ARHGAP10: variants seen among roughly 807,000 people sequenced by gnomAD.
ARHGAP10 encodes rho GTPase-activating protein 10.
ARHGAP10 carries 87 observed loss-of-function variants against 108.6 expected under a neutral mutation model. The ratio of observed to expected loss-of-function variants is 0.80; its 90% confidence interval spans 0.67 to 0.96. The LOEUF is 0.96. Ranked by LOEUF, ARHGAP10 falls within the 40% of genes least tolerant of loss-of-function variation. The pLI is 0.00. For missense variants in ARHGAP10, 939 were observed against 954.5 expected (o/e 0.98, Z 0.21); for synonymous variants, 347 against 341.1 (o/e 1.02, Z -0.19).
At chr4:147,934,326 C>T (rs971764900) in intron 13 of ARHGAP10, among the ~76,000 whole-genome samples, 2 of 152,104 alleles carry the variant, frequency 1.3e-5, no homozygotes, top group Non-Finnish European at 2.9e-5. Context: ...TCAAAGTGAC[C>T]CTCCCAGGTC....
rs1740442310 is a variant in ARHGAP10 at position 147,995,603 on chromosome 4, G to C, written c.1717-27660G>C. Among the ~76,000 whole-genome samples, 5 of 152,264 alleles carry C rather than the reference G, an allele frequency of 3.3e-5. No homozygotes were observed. The South Asian group carries it at 8.3e-4, about 25-fold the overall frequency. Reference sequence around the variant, plus strand: ...TGACAGAGTAAAGACAGATTTGTCAGCCTTACAATACAGACCACCAGTAGG... The same window carrying C: ...TGACAGAGTAAAGACAGATTTGTCACCCTTACAATACAGACCACCAGTAGG... On this transcript the variant is annotated intron_variant, in intron 18 of 22. Transcript: ENST00000336498.
chr4:147,922,013 CCCTGCCCCT>C (rs1295983476), intron 13 of ARHGAP10, among the ~76,000 whole-genome samples: 3 of 152,072 alleles, frequency 2.0e-5, no homozygotes, highest in African/African-American at 7.3e-5. Flanking sequence ...TGGCCTTCTC[CCCTGCCCCT>C]CCTGCACCTC....
At chr4:147,886,686 A>G (rs1735580568) in intron 10 of ARHGAP10, among the ~76,000 whole-genome samples, 2 of 152,190 alleles carry the variant, frequency 1.3e-5, no homozygotes, top group East Asian at 1.9e-4. Context: ...TTTCTACTGT[A>G]TTCATGGGAT....
chr4:147,928,606 T>G (rs1185726511), intron 13 of ARHGAP10, among the ~76,000 whole-genome samples: 2 of 152,250 alleles, frequency 1.3e-5, no homozygotes, highest in African/African-American at 4.8e-5. Flanking sequence ...TTTTTCTATC[T>G]GCTGTTCAAA....
intron 10 of ARHGAP10, among the ~76,000 whole-genome samples, chr4:147,899,308 G>A (rs1399945065): frequency 6.6e-6 from 1 of 150,796 alleles, no homozygotes; most frequent in East Asian, 1.9e-4. Flanking sequence ...AAGCAGCTGG[G>A]GTGTGTGTGT....
At chr4:147,914,813 A>G (rs1736896628) in intron 13 of ARHGAP10, among the ~76,000 whole-genome samples, 1 of 152,116 alleles carries the variant, frequency 6.6e-6, no homozygotes. Flanking sequence ...ATTTAGGGAA[A>G]ACTAATTCCT....
intron 13 of ARHGAP10, among the ~76,000 whole-genome samples, chr4:147,928,784 T>C (rs1737559289): frequency 6.6e-6 from 1 of 152,254 alleles, no homozygotes; most frequent in Non-Finnish European, 1.5e-5. Flanking sequence ...TTTATATGTA[T>C]CGTGCCTGGC....
intron 18 of ARHGAP10, among the ~76,000 whole-genome samples, chr4:147,987,931 C>A (rs946592329): frequency 1.3e-5 from 2 of 152,162 alleles, no homozygotes; most frequent in Non-Finnish European, 2.9e-5. Context: ...TTAATAAATC[C>A]ACTTTTACTT....
rs79506668 is a variant in ARHGAP10, at chr4:147,808,110, T to G, written c.155-14617T>G. Reference sequence around the variant, plus strand: ...CAAAGCTAGTTGAAGTTAGAAAGTATGGATCACACATCCTGCCACTGTGTG... The same window carrying G: ...CAAAGCTAGTTGAAGTTAGAAAGTAGGGATCACACATCCTGCCACTGTGTG... On this transcript the variant is annotated intron_variant, in intron 1 of 22. Coordinates refer to ENST00000336498, the MANE Select transcript of ARHGAP10 (RefSeq NM_024605.4). Among the ~76,000 whole-genome samples, 940 of 152,312 alleles carry G rather than the reference T, an allele frequency of 6.2e-3. 8 individuals are homozygous for G. The highest frequency in any genetic ancestry group is 0.022 in the African/African-American group (896 of 41,560).
At chr4:147,790,442 T>C (rs1015905918) in intron 1 of ARHGAP10, among the ~76,000 whole-genome samples, 12 of 152,216 alleles carry the variant, frequency 7.9e-5, no homozygotes, top group Non-Finnish European at 1.8e-4. Context: ...ATGTTCTCAA[T>C]TGTTGAGAAG....
intron 1 of ARHGAP10, among the ~76,000 whole-genome samples, chr4:147,752,775 C>A (rs1195327833): frequency 3.3e-5 from 5 of 152,242 alleles, no homozygotes; most frequent in African/African-American, 1.2e-4. Context: ...GATCCTCCCA[C>A]CTTGGCCTCC....
At position 148,053,540 on chromosome 4, in the gene ARHGAP10, C is replaced by T. The variant is rs1729234468; in HGVS notation, c.2027+6489C>T. On this transcript the variant is annotated intron_variant, in intron 20 of 22. Coordinates refer to ENST00000336498, the MANE Select transcript of ARHGAP10 (RefSeq NM_024605.4). ...AGACTTGGAAATTTGATCTATGCAA[C>T]CAGGCAGCATCCATAATCTTTTTAT... 2.0e-5 allele frequency among the ~76,000 whole-genome samples: 3 copies of T among 152,194 alleles called. No individual in the cohort carries two copies. The South Asian group carries it at 6.2e-4, about 32-fold the overall frequency.
intron 1 of ARHGAP10, among the ~76,000 whole-genome samples, chr4:147,786,457 TC>T (rs1730895418): frequency 6.6e-6 from 1 of 152,126 alleles, no homozygotes; most frequent in Admixed American, 6.5e-5. Flanking sequence ...AGTCTCAAAA[TC>T]TGTAGGAAGG....
At chr4:147,875,734 A>G (rs1288487882) in intron 8 of ARHGAP10, among the ~76,000 whole-genome samples, 1 of 152,194 alleles carries the variant, frequency 6.6e-6, no homozygotes, top group East Asian at 1.9e-4. Context: ...AGATATTCCT[A>G]CGTGGCATCC....
intron 20 of ARHGAP10, among the ~76,000 whole-genome samples, chr4:148,048,354 G>A (rs748922547): frequency 2.0e-5 from 3 of 152,150 alleles, no homozygotes; most frequent in Non-Finnish European, 4.4e-5. Context: ...AAATTTGGGG[G>A]TGATCTGAAG....
At chr4:148,015,083 C>T (rs1307497578) in intron 18 of ARHGAP10, among the ~76,000 whole-genome samples, 1 of 152,126 alleles carries the variant, frequency 6.6e-6, no homozygotes, top group Admixed American at 6.5e-5. Flanking sequence ...CTCTAGTCTC[C>T]TGTGACATGG....
At chr4:147,952,273 C>A (rs1388754846) in intron 15 of ARHGAP10, among the ~76,000 whole-genome samples, 1 of 152,140 alleles carries the variant, frequency 6.6e-6, no homozygotes, top group Non-Finnish European at 1.5e-5. Context: ...TTGGATAAAT[C>A]CCAGGAGTGG....
chr4:147,920,529 C>A (rs934184959), intron 13 of ARHGAP10, among the ~76,000 whole-genome samples: 3 of 152,130 alleles, frequency 2.0e-5, no homozygotes, highest in African/African-American at 7.2e-5. Flanking sequence ...CTTATCGTAG[C>A]TAAACCCTAG....
Position 147,974,760 on chromosome 4 carries a change from A to G in ARHGAP10, c.1716+7921A>G, listed in dbSNP as rs1352477777. On this transcript the variant is annotated intron_variant, in intron 18 of 22. Coordinates refer to ENST00000336498, the MANE Select transcript of ARHGAP10 (RefSeq NM_024605.4). ...ACATACCCAAGACTGGGAAATTTAC[A>G]AATGAAAGAGGTTTAATGGGCTCAT... Among the ~76,000 whole-genome samples the G allele has an allele frequency of 2.0e-5, 3 of 152,192 alleles. No individual in the cohort carries two copies. The East Asian group carries it at 5.8e-4, about 29-fold the overall frequency.
Sources: allele counts gnomAD v4.1 joint callset (sites outside exome capture counted in the v4.1 genomes callset), GRCh38; gene constraint gnomAD v4.1.1; transcripts MANE v1.5; gene names NCBI Gene and HGNC (gene_info 2026-07-23, HGNC 2026-07-21).